The following TANC2 variants were observed in gnomAD, a reference collection of about 807,000 sequenced individuals.
TANC2 encodes tetratricopeptide repeat, ankyrin repeat and coiled-coil containing 2, also known as protein TANC2.
TANC2 carries 26 observed loss-of-function variants against 210.5 expected under a neutral mutation model. That is an observed-to-expected ratio of 0.12 (90% CI 0.09 to 0.17). The LOEUF (loss-of-function observed/expected upper bound fraction) is 0.17. Among genes scored for constraint, TANC2 ranks in the 10% least tolerant of loss-of-function variants. The pLI is 1.00. For missense variants in TANC2, 2,129 were observed against 2,608.9 expected (o/e 0.82, Z 4.01); for synonymous variants, 931 against 967.1 (o/e 0.96, Z 0.69).
Position 63,421,781 on chromosome 17 carries a change from C to A in TANC2, c.6051C>A (p.Asp2017Glu), listed in dbSNP as rs761109189. 3 of 1,613,872 alleles carry A rather than the reference C, an allele frequency of 1.9e-6. No individual in the cohort carries two copies. The East Asian group carries it at 6.7e-5, about 36-fold the overall frequency. The change falls in exon 28 of 28, where the codon GAC becomes GAA. Residue 2017 changes from aspartate (D) to glutamate (E), a missense_variant. Coordinates refer to ENST00000689528, the Ensembl canonical transcript of TANC2. This position sits in a 1 kb window ranked among gnomAD's most constrained non-coding sequence, Gnocchi z 6.9. ...TGCTGGCTAACGGGTCTCGTGGAGA[C>A]CTCTTGGAGCGAGTCAGCCAGGCCT...
intron 12 of TANC2, among the ~76,000 whole-genome samples, chr17:63,345,795 T>C (rs763814818): frequency 1.3e-5 from 2 of 152,156 alleles, no homozygotes; most frequent in Non-Finnish European, 2.9e-5. Flanking sequence ...GTCATGACAG[T>C]GATATGCTAG....
chr17:63,403,499 T>C (rs1378274337), intron 19 of TANC2, among the ~76,000 whole-genome samples: 2 of 152,152 alleles, frequency 1.3e-5, no homozygotes, highest in Admixed American at 6.5e-5. Flanking sequence ...TTTAGAAATA[T>C]GAACTTGAGA....
intron 11 of TANC2, among the ~76,000 whole-genome samples, chr17:63,327,844 T>C (rs2045700093): frequency 1.3e-5 from 2 of 152,160 alleles, no homozygotes; most frequent in African/African-American, 2.4e-5. Flanking sequence ...TACATATGTA[T>C]ACATGTGCCA....
chr17:63,077,179 A>G (rs1191352808), intron 3 of TANC2, among the ~76,000 whole-genome samples: 1 of 152,198 alleles, frequency 6.6e-6, no homozygotes, highest in Non-Finnish European at 1.5e-5. Flanking sequence ...TGCACTTCTC[A>G]GTCGTAGCAT....
chr17:63,337,540 G>A lies in TANC2; in HGVS notation c.1576-2561G>A, dbSNP rs1031163770. Among the ~76,000 whole-genome samples, 7 of 150,214 alleles carry A rather than the reference G, an allele frequency of 4.7e-5. No homozygotes were observed. The East Asian group carries it at 9.7e-4, about 21-fold the overall frequency. On this transcript the variant is annotated intron_variant, in intron 11 of 27. Transcript: ENST00000689528. ...TATTTCTTTTCTTTTTCTTTATAGTGCTACCCACAATCACTCGTATTATAT... is the reference window on the plus strand; with the variant it reads ...TATTTCTTTTCTTTTTCTTTATAGTACTACCCACAATCACTCGTATTATAT...
At chr17:63,054,012 TAGAGAGCCTTGAAAA>T (rs920769564) in intron 2 of TANC2, among the ~76,000 whole-genome samples, 2 of 152,218 alleles carry the variant, frequency 1.3e-5, no homozygotes, top group African/African-American at 4.8e-5. Flanking sequence ...CCTTCAGCAG[TAGAGAGCCTTGAAAA>T]AGAACACAGT....
chr17:63,136,790 G>A (rs1326210664), intron 4 of TANC2, among the ~76,000 whole-genome samples: 1 of 152,086 alleles, frequency 6.6e-6, no homozygotes, highest in African/African-American at 2.4e-5. Context: ...GTGGGTTGAG[G>A]GTGACAAGAA....
At chr17:63,289,143 C>T (rs758669447) in intron 9 of TANC2, among the ~76,000 whole-genome samples, 2 of 152,156 alleles carry the variant, frequency 1.3e-5, no homozygotes, top group Non-Finnish European at 2.9e-5. Context: ...CAAAATGATA[C>T]GCCTAAGTAT....
chr17:63,069,151 ATATT>A (rs905248308), intron 2 of TANC2, among the ~76,000 whole-genome samples: 2 of 152,142 alleles, frequency 1.3e-5, no homozygotes, highest in African/African-American at 2.4e-5. Flanking sequence ...TATTTTCTAT[ATATT>A]AAATTTATTT....
At chr17:63,041,787 G>T (rs2035197977) in intron 2 of TANC2, among the ~76,000 whole-genome samples, 1 of 152,178 alleles carries the variant, frequency 6.6e-6, no homozygotes, top group Admixed American at 6.5e-5. Flanking sequence ...GTTGGGGGAA[G>T]GAGATGGATG....
intron 4 of TANC2, among the ~76,000 whole-genome samples, chr17:63,143,044 T>C (rs1039566999): frequency 6.6e-6 from 1 of 152,230 alleles, no homozygotes; most frequent in Non-Finnish European, 1.5e-5. Flanking sequence ...AAGCATTTCT[T>C]ACTGCTCTGT....
chr17:63,254,275 A>G (rs2043129000), intron 8 of TANC2, among the ~76,000 whole-genome samples: 1 of 150,478 alleles, frequency 6.6e-6, no homozygotes, highest in Non-Finnish European at 1.5e-5. Flanking sequence ...TTTCTTTTTC[A>G]TCTTGGTGGC....
intron 2 of TANC2, among the ~76,000 whole-genome samples, chr17:63,016,989 A>G (rs905692991): frequency 6.6e-6 from 1 of 152,124 alleles, no homozygotes; most frequent in Non-Finnish European, 1.5e-5. Flanking sequence ...TTCTCCCATA[A>G]TAGGGGTTGT....
At chr17:63,009,559 C>A (rs372121171) in exon 2 of TANC2, 192 of 1,612,524 alleles carry the variant, frequency 1.2e-4, no homozygotes, top group Non-Finnish European at 1.6e-4. Context: ...AGAGTATAAC[C>A]ATGTTTCGGA....
intron 4 of TANC2, among the ~76,000 whole-genome samples, chr17:63,115,983 T>C (rs1317100351): frequency 1.3e-5 from 2 of 152,192 alleles, no homozygotes; most frequent in African/African-American, 2.4e-5. Flanking sequence ...TTTATGGAGA[T>C]AAATGCATCA....
chr17:63,140,398 A>G (rs1054792324), intron 4 of TANC2, among the ~76,000 whole-genome samples: 5 of 152,212 alleles, frequency 3.3e-5, no homozygotes, highest in Non-Finnish European at 7.3e-5. Context: ...AAATGTTGGC[A>G]ACTCTCCAGG....
rs554358756 is a variant in TANC2 at position 63,144,041 on chromosome 17, A to T, written c.323-7229A>T. On this transcript the variant is annotated intron_variant, in intron 4 of 27. Transcript: ENST00000689528. ...TATTCAAATGCTAAATTTTCAATAG[A>T]CTCAAAGTCAGAATATTTTCTCCAC... 3.9e-5 allele frequency among the ~76,000 whole-genome samples: 6 copies of T among 152,162 alleles called. No homozygotes were observed. In the South Asian group the frequency reaches 1.2e-3, roughly 32 times the overall value.
At chr17:63,262,275 G>A (rs2043384245) in intron 8 of TANC2, among the ~76,000 whole-genome samples, 3 of 152,176 alleles carry the variant, frequency 2.0e-5, no homozygotes, top group South Asian at 2.1e-4. Context: ...AAACTCCTGG[G>A]CTCAAGCAAT....
intron 7 of TANC2, among the ~76,000 whole-genome samples, chr17:63,208,276 A>G (rs547406632): frequency 1.3e-5 from 2 of 152,312 alleles, no homozygotes; most frequent in African/African-American, 4.8e-5. Context: ...TTCCATTACC[A>G]TGTTCGCATG....
Sources: gnomAD v4.1 joint callset for allele counts (sites outside exome capture counted in the v4.1 genomes callset) on GRCh38, gnomAD v4.1.1 for gene constraint, Gnocchi (gnomAD v3.1) non-coding constraint, MANE v1.5 for transcripts, NCBI Gene and HGNC (gene_info 2026-07-23, HGNC 2026-07-21) for gene names.